Variants in THEMIS observed in about 807,000 individuals in gnomAD.
THEMIS encodes thymocyte selection associated, also known as protein THEMIS.
Under a neutral mutation model 52.6 loss-of-function variants are expected in THEMIS, and 37 were observed. The ratio of observed to expected loss-of-function variants is 0.70; its 90% CI spans 0.54 to 0.93. The LOEUF (loss-of-function observed/expected upper bound fraction) is 0.93. Ranked by LOEUF, THEMIS falls within the 40% of genes least tolerant of loss-of-function variation. The pLI is 0.00. For missense variants in THEMIS, 808 were observed against 763.1 expected, an observed-to-expected ratio of 1.06 and a Z score of -0.69; for synonymous variants, 292 against 272.7, an observed-to-expected ratio of 1.07 and a Z score of -0.70.
intron 2 of THEMIS, among the ~76,000 whole-genome samples, chr6:127,849,062 T>G (rs530724625): frequency 6.6e-6 from 1 of 152,264 alleles, no homozygotes; most frequent in South Asian, 2.1e-4. Context: ...GTTTTAGGTC[T>G]AACATTTAAG....
intron 3 of THEMIS, among the ~76,000 whole-genome samples, chr6:127,824,830 C>G (rs1278302835): frequency 6.6e-6 from 1 of 152,116 alleles, no homozygotes; most frequent in African/African-American, 2.4e-5. Context: ...CAGGCTGAGG[C>G]AGGAGAATGG....
intron 4 of THEMIS, among the ~76,000 whole-genome samples, chr6:127,805,490 A>T (rs963171095): frequency 1.3e-5 from 2 of 152,022 alleles, no homozygotes; most frequent in Admixed American, 1.3e-4. Flanking sequence ...CGGTCTCTTA[A>T]ATTTAAAGTT....
chr6:127,741,155 A>T (rs1775189006), intron 4 of THEMIS, among the ~76,000 whole-genome samples: 1 of 152,236 alleles, frequency 6.6e-6, no homozygotes, highest in South Asian at 2.1e-4. Flanking sequence ...TAGGCACAGA[A>T]GCAGCAAAAG....
intron 4 of THEMIS, among the ~76,000 whole-genome samples, chr6:127,779,973 G>C (rs1331939772): frequency 3.9e-5 from 6 of 151,946 alleles, no homozygotes; most frequent in African/African-American, 7.3e-5. Flanking sequence ...CTGTCTTGTT[G>C]ATCTGTCTAA....
At chr6:127,832,777 CTTTTTTTT>C (rs11355741) in intron 2 of THEMIS, among the ~76,000 whole-genome samples, 1 of 57,796 alleles carries the variant, frequency 1.7e-5, no homozygotes, top group Non-Finnish European at 2.9e-5. Flanking sequence ...ATTGTCAGAT[CTTTTTTTT>C]TTTTTTTTTT....
At chr6:127,915,562 TG>T (rs1209302541) in intron 1 of THEMIS, among the ~76,000 whole-genome samples, 12 of 101,260 alleles carry the variant, frequency 1.2e-4, no homozygotes, top group African/African-American at 2.3e-4. Flanking sequence ...GGGCTAGGGG[TG>T]GGGAGAGAGA....
intron 3 of THEMIS, among the ~76,000 whole-genome samples, chr6:127,823,365 T>C (rs895155388): frequency 1.1e-4 from 16 of 152,174 alleles, no homozygotes; most frequent in African/African-American, 3.9e-4. Context: ...AGTTCATATT[T>C]TCCTTAGCTA....
intron 1 of THEMIS, among the ~76,000 whole-genome samples, chr6:127,867,190 T>A (rs1780009232): frequency 6.6e-6 from 1 of 152,010 alleles, no homozygotes; most frequent in Non-Finnish European, 1.5e-5. Flanking sequence ...GCAAGTAATT[T>A]CTCTATAATA....
Position 127,879,975 on chromosome 6 carries a change from A to G in THEMIS, c.91+20867T>C, listed in dbSNP as rs556443045. On this transcript the variant is annotated intron_variant, in intron 1 of 5. Coordinates refer to ENST00000368248, the MANE Select transcript of THEMIS (RefSeq NM_001010923.3). Reference sequence around the variant, plus strand: ...CTCCTCCCCCGGGTGTAGCCCAGTCACGCAGGTTACAGCCATGCCGTTTTC... The same window carrying G: ...CTCCTCCCCCGGGTGTAGCCCAGTCGCGCAGGTTACAGCCATGCCGTTTTC... Among the ~76,000 whole-genome samples the G allele has an allele frequency of 1.2e-4, 18 of 152,268 alleles. No individual in the cohort carries two copies. In the East Asian group the frequency reaches 3.3e-3, roughly 28 times the overall value.
intron 4 of THEMIS, among the ~76,000 whole-genome samples, chr6:127,798,125 G>A (rs75571372): frequency 0.022 from 3,420 of 152,196 alleles, 142 homozygotes; most frequent in African/African-American, 0.078. Flanking sequence ...TATGAATAAC[G>A]GAAATATAAT....
chr6:127,910,407 A>C (rs1781382001), intron 1 of THEMIS, among the ~76,000 whole-genome samples: 1 of 152,150 alleles, frequency 6.6e-6, no homozygotes, highest in Non-Finnish European at 1.5e-5. Context: ...TGCTATAAAC[A>C]GTTACAATCT....
chr6:127,837,817 C>T (rs1468265036), intron 2 of THEMIS, among the ~76,000 whole-genome samples: 1 of 152,012 alleles, frequency 6.6e-6, no homozygotes. Context: ...TTGACTCCTA[C>T]TTGTCTCATT....
At chr6:127,756,440 T>C (rs1775829136) in intron 4 of THEMIS, among the ~76,000 whole-genome samples, 1 of 152,176 alleles carries the variant, frequency 6.6e-6, no homozygotes, top group East Asian at 1.9e-4. Flanking sequence ...AACGCTACTT[T>C]TGATAGGATA....
intron 4 of THEMIS, among the ~76,000 whole-genome samples, chr6:127,771,987 T>G (rs1776402301): frequency 6.6e-6 from 1 of 152,170 alleles, no homozygotes; most frequent in Non-Finnish European, 1.5e-5. Context: ...TAGTTTGTTT[T>G]GTAACTTGCT....
chr6:127,862,741 T>A (rs928832505), intron 1 of THEMIS, among the ~76,000 whole-genome samples: 11 of 151,834 alleles, frequency 7.2e-5, no homozygotes, highest in African/African-American at 2.7e-4. Context: ...ATTCTATGCA[T>A]TCTACCTAAA....
intron 4 of THEMIS, among the ~76,000 whole-genome samples, chr6:127,731,005 C>T (rs1774774444): frequency 6.6e-6 from 1 of 152,078 alleles, no homozygotes; most frequent in Non-Finnish European, 1.5e-5. Context: ...ATAGTCATTC[C>T]CCTTCTCACA....
At chr6:127,791,483 G>A (rs763515643) in intron 4 of THEMIS, among the ~76,000 whole-genome samples, 15 of 152,208 alleles carry the variant, frequency 9.9e-5, no homozygotes, top group Non-Finnish European at 1.9e-4. Context: ...GGAGAAAGTA[G>A]GTGCTGATCG....
chr6:127,830,974 AAC>A (rs1778682375), intron 2 of THEMIS, among the ~76,000 whole-genome samples: 1 of 152,212 alleles, frequency 6.6e-6, no homozygotes, highest in African/African-American at 2.4e-5. Flanking sequence ...CCTTGTGGAA[AAC>A]ACACATTAAT....
chr6:127,854,098 G>A (rs372966934), intron 2 of THEMIS, among the ~76,000 whole-genome samples: 2 of 151,764 alleles, frequency 1.3e-5, no homozygotes, highest in African/African-American at 4.8e-5. Context: ...GCCAGAAATT[G>A]TGCTTGGTAT....
Sources: allele counts gnomAD v4.1 joint callset (sites outside exome capture counted in the v4.1 genomes callset), GRCh38; gene constraint gnomAD v4.1.1; transcripts MANE v1.5; gene names NCBI Gene and HGNC (gene_info 2026-07-23, HGNC 2026-07-21).